NOX4: variants seen among roughly 807,000 people sequenced by gnomAD.
NOX4 encodes NADPH oxidase 4.
A neutral mutation model predicts 87.6 loss-of-function variants in NOX4; 69 were observed. That is an observed-to-expected ratio of 0.79 (90% confidence interval 0.65 to 0.96). The LOEUF (loss-of-function observed/expected upper bound fraction) is 0.96, where lower values mean the gene tolerates loss of function less well. Ranked by LOEUF, NOX4 falls within the 40% of genes least tolerant of loss-of-function variation. The probability of loss-of-function intolerance (pLI) is 0.00; values close to 1 mark genes in which losing one functional copy is unlikely to be tolerated. For missense variants in NOX4, 680 were observed against 681.5 expected (o/e 1.00, Z 0.02); for synonymous variants, 275 against 238.2 (o/e 1.15, Z -1.42).
At chr11:89,402,782 A>G (rs1941951421) in intron 8 of NOX4, among the ~76,000 whole-genome samples, 1 of 152,180 alleles carries the variant, frequency 6.6e-6, no homozygotes, top group Non-Finnish European at 1.5e-5. Flanking sequence ...AATGCTATAA[A>G]TATGTGGTAG....
At chr11:89,380,554 G>A (rs1240226684) in intron 11 of NOX4, among the ~76,000 whole-genome samples, 1 of 151,946 alleles carries the variant, frequency 6.6e-6, no homozygotes, top group East Asian at 1.9e-4. Flanking sequence ...TTGGTACTTA[G>A]GTAAAAACAG....
chr11:89,569,101 A>G, the NOX4 span, among the ~76,000 whole-genome samples: 2 of 152,218 alleles, frequency 1.3e-5, 1 homozygote. Context: ...ACTTTTAACT[A>G]TAAAACCCTA....
At chr11:89,377,195 C>G (rs549053261) in intron 11 of NOX4, among the ~76,000 whole-genome samples, 2 of 152,124 alleles carry the variant, frequency 1.3e-5, no homozygotes, top group Non-Finnish European at 2.9e-5. Flanking sequence ...AAAACAAGAA[C>G]TCTTACAATC....
the NOX4 span, chr11:89,548,629 T>C: frequency 6.6e-6 from 1 of 152,080 alleles, no homozygotes; most frequent in Non-Finnish European, 1.5e-5. Flanking sequence ...TCTAATGGGG[T>C]AAAAAGAAGT....
chr11:89,421,889 T>G lies in NOX4; in HGVS notation c.629+13A>C. The G allele has an allele frequency of 6.5e-7, 1 of 1,536,024 alleles. No homozygotes were observed. Among genetic ancestry groups the G allele is most frequent in the Non-Finnish European group, 8.8e-7 (1 of 1,134,770 alleles). On this transcript the variant is annotated intron_variant, in intron 8 of 17. Coordinates refer to ENST00000263317, the MANE Select transcript of NOX4 (RefSeq NM_016931.5). ...GCACAAATGGTTTTAAATACATACA[T>G]TTGTAAACTTACCCTGAAACATGCA...
chr11:89,344,393 C>T (rs1467062193), intron 13 of NOX4, among the ~76,000 whole-genome samples: 1 of 151,916 alleles, frequency 6.6e-6, no homozygotes, highest in Non-Finnish European at 1.5e-5. Context: ...AGACCCTTGT[C>T]TTAAGTATTA....
chr11:89,400,109 A>C (rs530417000), intron 10 of NOX4, 30 bp from the exon 11 acceptor site: 2 of 1,583,884 alleles, frequency 1.3e-6, no homozygotes, highest in South Asian at 2.3e-5. Context: ...TAAGTTTTAA[A>C]TGACCAATTA....
the NOX4 span, among the ~76,000 whole-genome samples, chr11:89,555,915 G>T: frequency 9.2e-5 from 14 of 152,194 alleles, no homozygotes; most frequent in African/African-American, 3.4e-4. Context: ...CAAACCTTTA[G>T]CTCAACAAAA....
the NOX4 span, among the ~76,000 whole-genome samples, chr11:89,547,559 C>T: frequency 6.6e-6 from 1 of 152,072 alleles, no homozygotes; most frequent in African/African-American, 2.4e-5. Flanking sequence ...CATGTCTCAC[C>T]CTAAATCTAC....
At chr11:89,348,918 G>A (rs1427203784) in intron 13 of NOX4, among the ~76,000 whole-genome samples, 1 of 152,144 alleles carries the variant, frequency 6.6e-6, no homozygotes, top group African/African-American at 2.4e-5. Flanking sequence ...TAGAGGAATA[G>A]TAAGAATTAA....
chr11:89,564,525 G>C, the NOX4 span, among the ~76,000 whole-genome samples: 1 of 152,096 alleles, frequency 6.6e-6, no homozygotes, highest in Non-Finnish European at 1.5e-5. Flanking sequence ...CATGAGATTT[G>C]GGCAGGGACA....
the NOX4 span, chr11:89,577,470 G>A: frequency 1.3e-5 from 2 of 152,134 alleles, no homozygotes; most frequent in South Asian, 4.1e-4. Context: ...ACTATTTGAA[G>A]ATCTTTTATT....
the NOX4 span, among the ~76,000 whole-genome samples, chr11:89,504,461 C>A: frequency 6.6e-6 from 1 of 151,664 alleles, no homozygotes; most frequent in African/African-American, 2.4e-5. Context: ...CAGGATGTGG[C>A]AATAGAGGGT....
chr11:89,397,018 C>G (rs1941540144), intron 11 of NOX4, among the ~76,000 whole-genome samples: 1 of 152,084 alleles, frequency 6.6e-6, no homozygotes, highest in African/African-American at 2.4e-5. Context: ...CATATACATT[C>G]TTCTCAGCAC....
At chr11:89,449,569 T>C (rs1392700776) in intron 3 of NOX4, 45 bp from the exon 4 acceptor site, 1 of 1,476,078 alleles carries the variant, frequency 6.8e-7, no homozygotes, top group East Asian at 2.3e-5. Context: ...GCAACAAATG[T>C]GATAAAAGTT....
intron 12 of NOX4, among the ~76,000 whole-genome samples, chr11:89,367,564 A>G (rs1268877319): frequency 1.3e-5 from 2 of 152,048 alleles, no homozygotes; most frequent in African/African-American, 4.8e-5. Flanking sequence ...TTTTGCAGCA[A>G]TCATAGATCA....
chr11:89,390,852 G>C (rs1439529097), intron 11 of NOX4, among the ~76,000 whole-genome samples: 1 of 152,136 alleles, frequency 6.6e-6, no homozygotes, highest in African/African-American at 2.4e-5. Context: ...TAAGCACCAT[G>C]ATCTCAAATA....
At chr11:89,422,887 C>A (rs1469517848) in intron 7 of NOX4, among the ~76,000 whole-genome samples, 3 of 151,116 alleles carry the variant, frequency 2.0e-5, no homozygotes, top group Non-Finnish European at 4.4e-5. Flanking sequence ...GCAACCTCCA[C>A]CTTCCAGTTT....
chr11:89,425,784 G>T (rs986924239), intron 7 of NOX4, among the ~76,000 whole-genome samples: 9 of 151,992 alleles, frequency 5.9e-5, no homozygotes, highest in African/African-American at 2.2e-4. Context: ...ATGTATGTGT[G>T]TGCACAAAGG....
Sources: allele counts gnomAD v4.1 joint callset (sites outside exome capture counted in the v4.1 genomes callset), GRCh38; gene constraint gnomAD v4.1.1; transcripts MANE v1.5; gene names NCBI Gene and HGNC (gene_info 2026-07-23, HGNC 2026-07-21).